Variants in WWOX observed in about 807,000 individuals in gnomAD.
WWOX encodes WW domain containing oxidoreductase.
Under a neutral mutation model 46.2 loss-of-function variants are expected in WWOX, and 69 were observed. That is an observed-to-expected ratio of 1.49 (90% CI 1.23 to 1.82). The LOEUF is 1.82. Ranked by LOEUF, WWOX falls within the 40% of genes most tolerant of loss-of-function variation. The pLI is 0.00. For synonymous variants in WWOX, 359 were observed against 202.6 expected (o/e 1.77, Z -6.56); for missense variants, 919 against 542.6 (o/e 1.69, Z -6.89).
At chr16:79,210,567 C>G (rs1186456316) in intron 8 of WWOX, among the ~76,000 whole-genome samples, 4 of 152,128 alleles carry the variant, frequency 2.6e-5, no homozygotes, top group African/African-American at 7.2e-5. Flanking sequence ...CTTGCAACCC[C>G]TCTCCCTCTC....
chr16:78,836,807 T>A (rs1480982325), intron 8 of WWOX, among the ~76,000 whole-genome samples: 1 of 152,188 alleles, frequency 6.6e-6, no homozygotes, highest in Non-Finnish European at 1.5e-5. Context: ...CAAAAGCCCC[T>A]GTGGTTTGGA....
At chr16:78,697,941 A>C (rs1390775785) in intron 8 of WWOX, among the ~76,000 whole-genome samples, 1 of 152,152 alleles carries the variant, frequency 6.6e-6, no homozygotes, top group Non-Finnish European at 1.5e-5. Flanking sequence ...GTAAGCAAGA[A>C]TCACTCCAGG....
intron 8 of WWOX, among the ~76,000 whole-genome samples, chr16:79,173,826 A>G (rs1390166034): frequency 6.6e-6 from 1 of 151,384 alleles, no homozygotes; most frequent in Non-Finnish European, 1.5e-5. Context: ...AAAATGAGAG[A>G]TACTCTCTGA....
intron 8 of WWOX, among the ~76,000 whole-genome samples, chr16:78,631,499 A>C (rs2548867): frequency 0.94 from 143,178 of 151,730 alleles, 67,698 homozygotes; most frequent in African/African-American, 0.96. Flanking sequence ...GTCCTTTATT[A>C]TGAGATTATG....
chr16:78,445,023 C>A (rs981517635), intron 8 of WWOX, among the ~76,000 whole-genome samples: 1 of 151,984 alleles, frequency 6.6e-6, no homozygotes, highest in African/African-American at 2.4e-5. Flanking sequence ...TCCAAACCTG[C>A]ACTAAAACTT....
At position 78,842,143 on chromosome 16, in the gene WWOX, A is replaced by G. The variant is rs113339389; in HGVS notation, c.1057-369465A>G. On this transcript the variant is annotated intron_variant, in intron 8 of 8. Transcript: ENST00000566780. ...AGCAATGTATCTCTTAAAGTAATCC[A>G]GGAGGAGTTCATTTTCAACCGATTC... 2.4e-3 allele frequency among the ~76,000 whole-genome samples: 368 copies of G among 152,250 alleles called. 1 individual carries two copies. The highest frequency in any genetic ancestry group is 7.7e-3 in the African/African-American group (321 of 41,544).
At chr16:79,005,353 C>T (rs867016515) in intron 8 of WWOX, among the ~76,000 whole-genome samples, 1 of 152,182 alleles carries the variant, frequency 6.6e-6, no homozygotes, top group African/African-American at 2.4e-5. Flanking sequence ...AGCACAGTCA[C>T]AGAAATGAGG....
intron 8 of WWOX, among the ~76,000 whole-genome samples, chr16:79,133,643 A>T (rs2049925728): frequency 6.6e-6 from 1 of 152,152 alleles, no homozygotes; most frequent in Non-Finnish European, 1.5e-5. Context: ...GTGCTACTTT[A>T]TATTTCTGCT....
chr16:78,936,372 A>G (rs1165477745), intron 8 of WWOX, among the ~76,000 whole-genome samples: 1 of 152,154 alleles, frequency 6.6e-6, no homozygotes, highest in Non-Finnish European at 1.5e-5. Flanking sequence ...TGAAGACCCC[A>G]AAACTAACCC....
intron 4 of WWOX, among the ~76,000 whole-genome samples, chr16:78,147,162 G>T (rs1370164568): frequency 3.4e-5 from 5 of 147,222 alleles, no homozygotes; most frequent in East Asian, 2.0e-4. Flanking sequence ...TTTTTTTTTT[G>T]ATTATCAGAG....
intron 8 of WWOX, among the ~76,000 whole-genome samples, chr16:78,945,224 G>A (rs1475799724): frequency 6.6e-6 from 1 of 152,132 alleles, no homozygotes; most frequent in East Asian, 1.9e-4. Flanking sequence ...GCCTGTATAT[G>A]TAGAACAAAT....
chr16:79,002,712 T>C (rs2047118164), intron 8 of WWOX, among the ~76,000 whole-genome samples: 1 of 152,164 alleles, frequency 6.6e-6, no homozygotes. Context: ...CTATTCCCAT[T>C]TCACAGAGGT....
At chr16:78,391,885 A>G (rs538861894) in intron 6 of WWOX, among the ~76,000 whole-genome samples, 2 of 152,034 alleles carry the variant, frequency 1.3e-5, no homozygotes, top group Admixed American at 6.6e-5. Flanking sequence ...AAAACAAGAA[A>G]CATTTCTTTT....
chr16:78,842,769 T>G (rs367566684), intron 8 of WWOX, among the ~76,000 whole-genome samples: 5 of 132,590 alleles, frequency 3.8e-5, no homozygotes, highest in East Asian at 2.1e-4. Context: ...GTAGATTCAT[T>G]TGAGCCCAGG....
intron 8 of WWOX, among the ~76,000 whole-genome samples, chr16:79,031,092 CAA>C (rs60529075): frequency 1.4e-4 from 18 of 127,278 alleles, no homozygotes; most frequent in Admixed American, 1.6e-4. Context: ...GACCCTGTCT[CAA>C]AAAAAAAAAA....
intron 8 of WWOX, among the ~76,000 whole-genome samples, chr16:78,800,818 G>A (rs761914362): frequency 1.3e-4 from 20 of 152,040 alleles, no homozygotes; most frequent in African/African-American, 3.9e-4. Flanking sequence ...TCTTGAGATA[G>A]CATCTCCTCC....
At chr16:78,640,376 G>C (rs889676567) in intron 8 of WWOX, among the ~76,000 whole-genome samples, 7 of 152,054 alleles carry the variant, frequency 4.6e-5, no homozygotes, top group South Asian at 4.2e-4. Flanking sequence ...GCCGCTCTGA[G>C]CTAGAATCCT....
chr16:78,545,425 C>G (rs2044005707), intron 8 of WWOX, among the ~76,000 whole-genome samples: 1 of 152,022 alleles, frequency 6.6e-6, no homozygotes, highest in Non-Finnish European at 1.5e-5. Flanking sequence ...ATTATGTTGC[C>G]CAGGTTGGCC....
At chr16:78,723,309 C>G (rs1171588020) in intron 8 of WWOX, among the ~76,000 whole-genome samples, 5 of 152,152 alleles carry the variant, frequency 3.3e-5, no homozygotes, top group Non-Finnish European at 7.4e-5. Flanking sequence ...GAAGCATGGT[C>G]TCTTGCCTTG....
Sources: gnomAD v4.1 joint callset for allele counts (sites outside exome capture counted in the v4.1 genomes callset) on GRCh38, gnomAD v4.1.1 for gene constraint, MANE v1.5 for transcripts, NCBI Gene and HGNC (gene_info 2026-07-23, HGNC 2026-07-21) for gene names.